WFDC3: variants seen among roughly 807,000 people sequenced by gnomAD.
The protein encoded by WFDC3 is WAP four-disulfide core domain protein 3.
Under a neutral mutation model 25.8 loss-of-function variants are expected in WFDC3, and 15 were observed. That is an observed-to-expected ratio of 0.58 (90% CI 0.39 to 0.89). The LOEUF (loss-of-function observed/expected upper bound fraction) is 0.89, where lower values mean the gene tolerates loss of function less well. WFDC3 is among the 40% of genes least tolerant of loss of function. WFDC3 has a pLI of 0.00. For missense variants in WFDC3, 264 were observed against 289.8 expected (o/e 0.91, Z 0.65); for synonymous variants, 103 against 107.1 (o/e 0.96, Z 0.24).
intron 2 of WFDC3, among the ~76,000 whole-genome samples, chr20:45,789,360 G>C (rs1006043029): frequency 1.3e-5 from 2 of 151,900 alleles, no homozygotes; most frequent in African/African-American, 4.8e-5. Flanking sequence ...CAAAAAATTA[G>C]CTGGGCGTGG....
chr20:45,776,622 G>GAAA lies in WFDC3; in HGVS notation c.493+450_493+452dup, dbSNP rs1226870114. On this transcript the variant is annotated intron_variant, in intron 5 of 6. Coordinates refer to ENST00000243938, the MANE Select transcript of WFDC3 (RefSeq NM_080614.2). Reference sequence around the variant, plus strand: ...CAAAAAAAAAAAAAAAGAAAAAAAAGAAAAAAAAAAAAAATATATATATAT... The same window carrying GAAA: ...CAAAAAAAAAAAAAAAGAAAAAAAAGAAAAAAAAAAAAAAAAATATATATATAT... Among the ~76,000 whole-genome samples the GAAA allele has an allele frequency of 1.6e-3, 119 of 76,218 alleles. 1 individual carries two copies. The highest frequency in any genetic ancestry group is 7.9e-3 in the Middle Eastern group (1 of 126). 50.0% of individuals were successfully genotyped at this position (76,218 alleles called of 152,430 possible).
intron 3 of WFDC3, 109 bp from the exon 4 acceptor site, chr20:45,788,091 G>T: frequency 8.1e-7 from 1 of 1,230,828 alleles, no homozygotes; most frequent in Non-Finnish European, 1.1e-6. Context: ...ATCACCTGAG[G>T]TAGGGAGTTC....
At chr20:45,788,783 G>C in intron 3 of WFDC3, 148 bp downstream of exon 3, 1 of 1,080,932 alleles carries the variant, frequency 9.3e-7, no homozygotes, top group Middle Eastern at 2.3e-4. Flanking sequence ...AATTAAAGGA[G>C]GAGGGACCCT....
intron 5 of WFDC3, among the ~76,000 whole-genome samples, chr20:45,776,634 A>AT (rs1568697430): frequency 2.5e-4 from 17 of 68,816 alleles, no homozygotes; most frequent in East Asian, 1.1e-3. Context: ...AAAAAAAAAA[A>AT]AATATATATA....
At chr20:45,775,346 C>T in intron 6 of WFDC3, 71 bp downstream of exon 6, 1 of 1,558,058 alleles carries the variant, frequency 6.4e-7, no homozygotes. Flanking sequence ...AAGTCCCCTT[C>T]CCAGCACCTA....
intron 3 of WFDC3, 120 bp from the exon 4 acceptor site, chr20:45,788,102 G>A (rs1382834372): frequency 2.3e-5 from 24 of 1,055,010 alleles, no homozygotes; most frequent in Admixed American, 1.7e-4. Flanking sequence ...TAGGGAGTTC[G>A]AGAACAGCCT....
chr20:45,787,921 A>G lies in WFDC3; in HGVS notation c.273T>C (p.Thr91=). The change falls in exon 4 of 7, where the codon ACT becomes ACC. Residue 91 remains threonine (T), a synonymous_variant. Coordinates refer to ENST00000243938, the MANE Select transcript of WFDC3 (RefSeq NM_080614.2). ...TCTTTACACCTGGACATGTCTCATCAGTGATGCACCTTTTCAAACAGGATT... is the reference window on the plus strand; with the variant it reads ...TCTTTACACCTGGACATGTCTCATCGGTGATGCACCTTTTCAAACAGGATT... ...RKQSCLKRCI[T]DETCPGVKKC... The G allele has an allele frequency of 6.2e-7, 1 of 1,614,144 alleles. No individual in the cohort carries two copies. Among genetic ancestry groups the G allele is most frequent in the Non-Finnish European group, 8.5e-7 (1 of 1,180,018 alleles).
At chr20:45,789,463 G>A (rs545729390) in intron 2 of WFDC3, among the ~76,000 whole-genome samples, 186 of 137,602 alleles carry the variant, frequency 1.4e-3, no homozygotes, top group African/African-American at 4.9e-3. Flanking sequence ...CTGAGATCAC[G>A]CCACTGCACT....
At chr20:45,791,670 A>G (rs1448426501) in intron 1 of WFDC3, among the ~76,000 whole-genome samples, 162 bp downstream of exon 1, 1 of 152,076 alleles carries the variant, frequency 6.6e-6, no homozygotes, top group East Asian at 1.9e-4. Flanking sequence ...TCTGCTCCCC[A>G]ACCCCAGCCT....
intron 4 of WFDC3, among the ~76,000 whole-genome samples, chr20:45,783,206 G>T (rs954088908): frequency 6.6e-6 from 1 of 152,182 alleles, no homozygotes; most frequent in Non-Finnish European, 1.5e-5. Flanking sequence ...GGATAGGTCA[G>T]GCATCAGATA....
At position 45,781,083 on chromosome 20, in the gene WFDC3, TAC is replaced by T. The variant is rs1568698992; in HGVS notation, c.359-3876_359-3875del. Among the ~76,000 whole-genome samples the T allele has an allele frequency of 1.5e-4, 10 of 67,736 alleles. 1 individual carries two copies. The highest frequency in any genetic ancestry group is 2.5e-4 in the Non-Finnish European group (8 of 31,498). 44.4% of individuals were successfully genotyped at this position (67,736 alleles called of 152,430 possible). On this transcript the variant is annotated intron_variant, in intron 4 of 6. Transcript: ENST00000243938. ...GTTGAAACCCTGTCTCTACTAAAAA[TAC>T]AAAAAAAAAAAAAAAAAGCCGGGTG...
intron 4 of WFDC3, among the ~76,000 whole-genome samples, chr20:45,783,943 AC>A (rs1187755005): frequency 2.6e-5 from 4 of 151,952 alleles, no homozygotes; most frequent in Admixed American, 1.3e-4. Context: ...CAGGCTAGGA[AC>A]CCCGCTCAGC....
At chr20:45,779,674 A>G (rs1458986061) in intron 4 of WFDC3, among the ~76,000 whole-genome samples, 2 of 152,118 alleles carry the variant, frequency 1.3e-5, no homozygotes, top group East Asian at 3.9e-4. Context: ...CCTGGTGGAA[A>G]AACCCGGTGA....
intron 4 of WFDC3, among the ~76,000 whole-genome samples, chr20:45,785,327 G>A (rs1980619500): frequency 1.3e-5 from 2 of 151,904 alleles, no homozygotes; most frequent in South Asian, 4.1e-4. Flanking sequence ...AAAATTAGCT[G>A]AGCATGGTGG....
intron 4 of WFDC3, 141 bp from the exon 5 acceptor site, chr20:45,777,350 A>C: frequency 1.0e-6 from 1 of 995,850 alleles, no homozygotes; most frequent in Non-Finnish European, 1.3e-6. Flanking sequence ...ATGTATCTGC[A>C]ATACATCTGA....
chr20:45,785,571 T>C (rs1265326424), intron 4 of WFDC3, among the ~76,000 whole-genome samples: 2 of 151,824 alleles, frequency 1.3e-5, no homozygotes, highest in Non-Finnish European at 2.9e-5. Context: ...AATTTATATA[T>C]CTAACATCAC....
chr20:45,776,451 C>T (rs1282012241), intron 5 of WFDC3, among the ~76,000 whole-genome samples: 1 of 150,530 alleles, frequency 6.6e-6, no homozygotes, highest in Admixed American at 6.6e-5. Context: ...ACTAAAAATA[C>T]AAAAATTAGC....
At position 45,775,493 on chromosome 20, in the gene WFDC3, G is replaced by A. The variant is rs1422168460; in HGVS notation, c.603C>T (p.Arg201=). 1.5e-5 allele frequency: 24 copies of A among 1,614,094 alleles called. No homozygotes were observed. Among genetic ancestry groups the A allele is most frequent in the Non-Finnish European group, 2.0e-5 (24 of 1,180,054 alleles). ...GEKCCKSGCG[R]FCVPPVLPPK... ...GGGGCAGGACTGGTGGGACACAGAAGCGGCCACAGCCTGACTTGCAACATT... is the reference window on the plus strand; with the variant it reads ...GGGGCAGGACTGGTGGGACACAGAAACGGCCACAGCCTGACTTGCAACATT... Residue 201 remains arginine, a synonymous_variant, in exon 6 of 7, where the codon CGC becomes CGT. Transcript: ENST00000243938.
intron 4 of WFDC3, among the ~76,000 whole-genome samples, chr20:45,785,016 A>C (rs1450425634): frequency 6.6e-6 from 1 of 152,234 alleles, no homozygotes; most frequent in East Asian, 1.9e-4. Flanking sequence ...ATGCACTCAG[A>C]TAAGAGAATG....
Sources: allele counts gnomAD v4.1 joint callset (sites outside exome capture counted in the v4.1 genomes callset), GRCh38; gene constraint gnomAD v4.1.1; transcripts MANE v1.5; gene names NCBI Gene and HGNC (gene_info 2026-07-23, HGNC 2026-07-21).